Variants in MAP3K19 observed in about 807,000 individuals in gnomAD.
The protein encoded by MAP3K19 is mitogen-activated protein kinase kinase kinase 19.
A neutral mutation model predicts 114.4 loss-of-function variants in MAP3K19; 91 were observed. The observed-to-expected ratio is 0.80, with a 90% CI of 0.67 to 0.95. The LOEUF (loss-of-function observed/expected upper bound fraction) is 0.95, where lower values mean the gene tolerates loss of function less well. Among genes scored for constraint, MAP3K19 ranks in the 40% least tolerant of loss-of-function variants. The pLI is 0.00. For missense variants in MAP3K19, 1,471 were observed against 1,573.2 expected (o/e 0.94, Z 1.10); for synonymous variants, 518 against 530.5 (o/e 0.98, Z 0.32).
At chr2:135,017,626 T>C (rs2105355526) in intron 5 of MAP3K19, among the ~76,000 whole-genome samples, 1 of 152,280 alleles carries the variant, frequency 6.6e-6, no homozygotes, top group South Asian at 2.1e-4. Flanking sequence ...AACCCTCCTG[T>C]TTTTCAACCT....
intron 11 of MAP3K19, among the ~76,000 whole-genome samples, chr2:134,982,038 AC>A (rs1684703057): frequency 6.6e-6 from 1 of 150,694 alleles, no homozygotes; most frequent in East Asian, 2.0e-4. Context: ...AGCTAGGATC[AC>A]AGGTGTGTGC....
intron 12 of MAP3K19, among the ~76,000 whole-genome samples, chr2:134,972,581 A>G (rs1683955903): frequency 6.6e-6 from 1 of 151,780 alleles, no homozygotes; most frequent in East Asian, 1.9e-4. Flanking sequence ...ACCCTAGCCT[A>G]CCAAGTGACC....
At chr2:134,968,834 C>G (rs970775476) in intron 12 of MAP3K19, among the ~76,000 whole-genome samples, 2 of 150,862 alleles carry the variant, frequency 1.3e-5, no homozygotes, top group Non-Finnish European at 2.9e-5. Flanking sequence ...GATGGGATGG[C>G]GGCTGGGCAG....
intron 6 of MAP3K19, among the ~76,000 whole-genome samples, chr2:135,003,850 G>C (rs1194105399): frequency 6.6e-6 from 1 of 152,094 alleles, no homozygotes; most frequent in African/African-American, 2.4e-5. Flanking sequence ...CACAGTGCCC[G>C]GTCCATTTAA....
At position 134,998,843 on chromosome 2, in the gene MAP3K19, A is replaced by C; in HGVS notation, c.469T>G (p.Leu157Val). The change falls in exon 8 of 13, where the codon TTG becomes GTG. Residue 157 changes from leucine to valine, a missense_variant. Physicochemically the swap from Leu to Val is conservative, Grantham distance 32. Coordinates refer to ENST00000392915, the MANE Select transcript of MAP3K19 (RefSeq NM_025052.5). ...CAAGATCTTGGTAGCAAAAAGCCCAAGTTCACATTGCAGAGCTCCCTGGAA... is the reference window on the plus strand; with the variant it reads ...CAAGATCTTGGTAGCAAAAAGCCCACGTTCACATTGCAGAGCTCCCTGGAA... ...ESSRELCNVN[L>V]GFLLPRSCLE... 1 of 1,614,218 alleles carries C rather than the reference A, an allele frequency of 6.2e-7. No homozygotes were observed. Among genetic ancestry groups the C allele is most frequent in the South Asian group, 1.1e-5 (1 of 91,084 alleles).
intron 11 of MAP3K19, among the ~76,000 whole-genome samples, 197 bp from the exon 12 acceptor site, chr2:134,981,715 T>C (rs1684668671): frequency 6.6e-6 from 1 of 152,086 alleles, no homozygotes; most frequent in African/African-American, 2.4e-5. Flanking sequence ...AGAAACATGG[T>C]GGATGGATGT....
At position 134,985,883 on chromosome 2, in the gene MAP3K19, G is replaced by C; in HGVS notation, c.2989C>G (p.Pro997Ala). 1 of 1,613,926 alleles carries C rather than the reference G, an allele frequency of 6.2e-7. No homozygotes were observed. Among genetic ancestry groups the C allele is most frequent in the Non-Finnish European group, 8.5e-7 (1 of 1,179,942 alleles). Residue 997 changes from proline (P) to alanine (A), a missense_variant, in exon 10 of 13, where the codon CCT becomes GCT. Coordinates refer to ENST00000392915, the MANE Select transcript of MAP3K19 (RefSeq NM_025052.5). ...SCQKMANETD[P>A]ENLNLVLRWR... The stretch of plus-strand genomic sequence containing the variant: ...CTGAGGACAAGATTTAGGTTTTCAG[G>C]ATCTGTTTCATTTGCCATTTTTTGG...
In MAP3K19 at chr2:135,032,408, A is replaced by G. The variant is rs528748113; in HGVS notation, c.-283-1908T>C. On this transcript the variant is annotated intron_variant, in intron 2 of 12. Coordinates refer to ENST00000392915, the MANE Select transcript of MAP3K19 (RefSeq NM_025052.5). Reference sequence around the variant, plus strand: ...AGAAAAACAGTCTGTCAGTTCCTCAAATGATTAAACATAGAACTCCCCTAT... The same window carrying G: ...AGAAAAACAGTCTGTCAGTTCCTCAGATGATTAAACATAGAACTCCCCTAT... 1.7e-3 allele frequency among the ~76,000 whole-genome samples: 254 copies of G among 151,364 alleles called. 1 individual carries two copies. The highest frequency in any genetic ancestry group is 6.0e-3 in the African/African-American group (249 of 41,334).
intron 11 of MAP3K19, among the ~76,000 whole-genome samples, chr2:134,982,993 A>G (rs893767662): frequency 3.9e-5 from 6 of 152,240 alleles, no homozygotes; most frequent in Non-Finnish European, 7.3e-5. Flanking sequence ...TAGAATGTGT[A>G]ATGATCAAGA....
intron 3 of MAP3K19, among the ~76,000 whole-genome samples, chr2:135,028,715 A>G (rs72976346): frequency 0.054 from 8,216 of 152,200 alleles, 415 homozygotes; most frequent in African/African-American, 0.14. Flanking sequence ...AAAACACCTA[A>G]ATTGTTCATT....
intron 5 of MAP3K19, among the ~76,000 whole-genome samples, chr2:135,019,648 T>A (rs1687833610): frequency 6.6e-6 from 1 of 152,086 alleles, no homozygotes; most frequent in African/African-American, 2.4e-5. Context: ...TGAGACCCAA[T>A]CTCAAAATAA....
At chr2:134,994,633 G>C (rs866843547) in intron 8 of MAP3K19, among the ~76,000 whole-genome samples, 1 of 152,202 alleles carries the variant, frequency 6.6e-6, no homozygotes, top group South Asian at 2.1e-4. Context: ...CTACAGGCAG[G>C]TGTTTGGATT....
chr2:135,015,378 T>G (rs1329575640), intron 5 of MAP3K19, among the ~76,000 whole-genome samples: 1 of 152,216 alleles, frequency 6.6e-6, no homozygotes, highest in Non-Finnish European at 1.5e-5. Context: ...TTTTGCCCAC[T>G]TTCTATTAGC....
At chr2:134,984,775 A>C (rs892014386) in intron 10 of MAP3K19, among the ~76,000 whole-genome samples, 1 of 152,166 alleles carries the variant, frequency 6.6e-6, no homozygotes. Context: ...AAGATGGTGA[A>C]ATCCCGTCTC....
chr2:135,031,092 C>G (rs1688369271), intron 2 of MAP3K19, among the ~76,000 whole-genome samples: 1 of 150,724 alleles, frequency 6.6e-6, no homozygotes, highest in South Asian at 2.1e-4. Flanking sequence ...TGAGACTGCA[C>G]CAATGAACAA....
intron 5 of MAP3K19, among the ~76,000 whole-genome samples, chr2:135,008,816 G>A (rs2105326292): frequency 6.6e-6 from 1 of 151,782 alleles, no homozygotes; most frequent in South Asian, 2.1e-4. Context: ...TCTCACTCTG[G>A]CACACAGGCT....
intron 9 of MAP3K19, among the ~76,000 whole-genome samples, chr2:134,990,089 A>C (rs1010990703): frequency 6.6e-6 from 1 of 152,106 alleles, no homozygotes; most frequent in Non-Finnish European, 1.5e-5. Flanking sequence ...TCTCAAAAAA[A>C]AAAAAATGTC....
intron 5 of MAP3K19, among the ~76,000 whole-genome samples, chr2:135,011,290 C>G (rs1311789237): frequency 6.6e-6 from 1 of 152,120 alleles, no homozygotes; most frequent in Non-Finnish European, 1.5e-5. Flanking sequence ...GTTATCCCAG[C>G]ACTTTTGGAG....
chr2:134,972,474 A>C (rs1180114250), intron 12 of MAP3K19, among the ~76,000 whole-genome samples: 1 of 151,592 alleles, frequency 6.6e-6, no homozygotes, highest in Non-Finnish European at 1.5e-5. Flanking sequence ...ATTTATTTAA[A>C]TTTTTATACT....
Sources: gnomAD v4.1 joint callset for allele counts (sites outside exome capture counted in the v4.1 genomes callset) on GRCh38, gnomAD v4.1.1 for gene constraint, MANE v1.5 for transcripts, NCBI Gene and HGNC (gene_info 2026-07-23, HGNC 2026-07-21) for gene names.